The following TRMT1L variants were observed in gnomAD, a reference collection of about 807,000 sequenced individuals.
TRMT1L encodes the protein tRNA methyltransferase 1L.
Under a neutral mutation model 81.6 loss-of-function variants are expected in TRMT1L, and 28 were observed. The observed-to-expected ratio is 0.34, with a 90% confidence interval of 0.25 to 0.47. The LOEUF is 0.47. Ranked by LOEUF, TRMT1L falls within the 20% of genes least tolerant of loss-of-function variation. The pLI is 1.00. For missense variants in TRMT1L, 739 were observed against 877.1 expected (o/e 0.84, Z 1.99); for synonymous variants, 301 against 303.2 (o/e 0.99, Z 0.07).
At chr1:185,153,583 G>A (rs1305542622) in intron 1 of TRMT1L, among the ~76,000 whole-genome samples, 2 of 152,138 alleles carry the variant, frequency 1.3e-5, no homozygotes, top group South Asian at 2.1e-4. Flanking sequence ...ATTGGAAGGG[G>A]AAAGGAAATA....
chr1:185,152,274 A>G (rs952671745), intron 1 of TRMT1L, among the ~76,000 whole-genome samples: 1 of 152,254 alleles, frequency 6.6e-6, no homozygotes, highest in Non-Finnish European at 1.5e-5. Flanking sequence ...CAATATGTCA[A>G]CTTCTAACTA....
At position 185,156,625 on chromosome 1, in the gene TRMT1L, C is replaced by A. The variant is rs753782690; in HGVS notation, c.88G>T (p.Asp30Tyr). 1.8e-5 allele frequency: 29 copies of A among 1,603,890 alleles called. No individual in the cohort carries two copies. Among genetic ancestry groups the A allele is most frequent in the Non-Finnish European group, 2.5e-5 (29 of 1,175,324 alleles). Residue 30 changes from aspartate (D) to tyrosine (Y), a missense_variant, in exon 1 of 15, where the codon GAC becomes TAC. Asp to Tyr is a radical substitution (Grantham distance 160, BLOSUM62 -3). Around this residue, in one of 4 missense-constraint regions of TRMT1L, gnomAD observed 209 missense variants for 165.4 expected, o/e 1.26. Transcript: ENST00000367506. ...GCCGGAGCTGGGACCCCAGCCGAGTCCCGGGCCGGGGTCGGGACCTGGACC... is the reference window on the plus strand; with the variant it reads ...GCCGGAGCTGGGACCCCAGCCGAGTACCGGGCCGGGGTCGGGACCTGGACC... ...AQVQVPTPAR[D>Y]SAGVPAPAPD... is the part of the protein sequence containing the mutation.
At chr1:185,137,851 C>A (rs924821417) in intron 9 of TRMT1L, 55 bp from the exon 10 acceptor site, 48 of 1,561,060 alleles carry the variant, frequency 3.1e-5, no homozygotes, top group Non-Finnish European at 3.8e-5. Flanking sequence ...CCTTGTTTGG[C>A]ATTATACTGA....
At position 185,135,191 on chromosome 1, in the gene TRMT1L, G is replaced by A. The variant is rs566965961; in HGVS notation, c.1513+2415C>T. On this transcript the variant is annotated intron_variant, in intron 10 of 14. Coordinates refer to ENST00000367506, the MANE Select transcript of TRMT1L (RefSeq NM_030934.5). ...AGTGCTTTGGGAGGCCAAGGCGGGCGGATTGCCTGAGCTCAGGAGTTCGTG... is the reference window on the plus strand; with the variant it reads ...AGTGCTTTGGGAGGCCAAGGCGGGCAGATTGCCTGAGCTCAGGAGTTCGTG... 1.5e-4 allele frequency among the ~76,000 whole-genome samples: 23 copies of A among 152,184 alleles called. No homozygotes were observed. In the South Asian group the frequency reaches 2.7e-3, roughly 18 times the overall value.
intron 3 of TRMT1L, among the ~76,000 whole-genome samples, chr1:185,149,854 T>G (rs956511828): frequency 6.6e-6 from 1 of 151,710 alleles, no homozygotes; most frequent in Non-Finnish European, 1.5e-5. Context: ...TGTGTCATTT[T>G]TATCATGATT....
intron 4 of TRMT1L, among the ~76,000 whole-genome samples, chr1:185,145,937 G>A (rs904713799): frequency 4.6e-5 from 7 of 151,872 alleles, no homozygotes; most frequent in African/African-American, 1.4e-4. Context: ...GATTTCTGTG[G>A]CATAAATACT....
Position 185,156,882 on chromosome 1 carries a change from G to C in TRMT1L, c.-170C>G. 2 of 919,548 alleles carry C rather than the reference G, an allele frequency of 2.2e-6. No individual in the cohort carries two copies. The highest frequency in any genetic ancestry group is 3.1e-6 in the Non-Finnish European group (2 of 642,552). 57.0% of individuals were successfully genotyped at this position (919,548 alleles called of 1,614,324 possible). ...GATGAAGAACCAGTGACCAAATCCTGTTAGTAGAAAACAGAAAGCCAGAGG... is the reference window on the plus strand; with the variant it reads ...GATGAAGAACCAGTGACCAAATCCTCTTAGTAGAAAACAGAAAGCCAGAGG... On this transcript the variant is annotated 5_prime_UTR_variant, in exon 1 of 15. Transcript: ENST00000367506.
At chr1:185,157,074 G>A (rs1441694181), upstream of TRMT1L, 2 of 258,688 alleles carry the variant, frequency 7.7e-6, no homozygotes, top group South Asian at 4.6e-5. Flanking sequence ...AAAGACTACA[G>A]CACCCAGGAT....
At chr1:185,134,603 T>C (rs1192020076) in intron 10 of TRMT1L, among the ~76,000 whole-genome samples, 1 of 152,236 alleles carries the variant, frequency 6.6e-6, no homozygotes, top group Admixed American at 6.5e-5. Flanking sequence ...AATGCAAAAA[T>C]AAATCATTGC....
At chr1:185,155,301 GCTA>G (rs1185305402) in intron 1 of TRMT1L, among the ~76,000 whole-genome samples, 1 of 152,184 alleles carries the variant, frequency 6.6e-6, no homozygotes, top group Non-Finnish European at 1.5e-5. Flanking sequence ...GAGGTAGGAG[GCTA>G]CTTAGGAGGG....
intron 12 of TRMT1L, 94 bp from the exon 13 acceptor site, chr1:185,124,013 C>T (rs1285166775): frequency 5.8e-6 from 4 of 683,820 alleles, no homozygotes; most frequent in East Asian, 6.4e-5. Context: ...ATTCCATCCA[C>T]ACTATTTTCA....
chr1:185,145,575 AAC>A lies in TRMT1L; in HGVS notation c.526-9_526-8del. 6.2e-7 allele frequency: 1 copy of A among 1,609,310 alleles called. No individual in the cohort carries two copies. Among genetic ancestry groups the A allele is most frequent in the African/African-American group, 1.3e-5 (1 of 74,908 alleles). Reference sequence around the variant, plus strand: ...CTCCCATTTTACTGGTTATCTATCAAACAGAGTATTTAATTTAAATAAGTTGC... The same window carrying A: ...CTCCCATTTTACTGGTTATCTATCAAAGAGTATTTAATTTAAATAAGTTGC... On this transcript the variant is annotated splice_region_variant and splice_polypyrimidine_tract_variant and intron_variant, in intron 4 of 14. Coordinates refer to ENST00000367506, the MANE Select transcript of TRMT1L (RefSeq NM_030934.5).
At position 185,124,989 on chromosome 1, in the gene TRMT1L, G is replaced by C; in HGVS notation, c.1714C>G (p.Gln572Glu). 6.2e-7 allele frequency: 1 copy of C among 1,612,742 alleles called. No individual in the cohort carries two copies. Among genetic ancestry groups the C allele is most frequent in the Non-Finnish European group, 8.5e-7 (1 of 1,179,220 alleles). ...TLIFESECTP[Q>E]SQFSIHASSN... Reference sequence around the variant, plus strand: ...GATGCATGAATTGAAAACTGACTTTGAGGCGTACACTCTGATTCAAAGATT... The same window carrying C: ...GATGCATGAATTGAAAACTGACTTTCAGGCGTACACTCTGATTCAAAGATT... Residue 572 changes from glutamine (Q) to glutamate (E), a missense_variant, in exon 12 of 15, where the codon CAA (glutamine) becomes GAA (glutamate). Gln to Glu is a conservative substitution (Grantham distance 29). Around this residue, in one of 4 missense-constraint regions of TRMT1L, gnomAD observed 196 missense variants for 232.6 expected, o/e 0.84. Coordinates refer to ENST00000367506, the MANE Select transcript of TRMT1L (RefSeq NM_030934.5).
intron 10 of TRMT1L, among the ~76,000 whole-genome samples, chr1:185,129,052 G>A (rs1192473945): frequency 6.6e-6 from 1 of 152,000 alleles, no homozygotes; most frequent in Non-Finnish European, 1.5e-5. Flanking sequence ...GCTTGAGAGA[G>A]GTGGAAATTC....
At chr1:185,120,841 G>A (rs1255438733) in intron 13 of TRMT1L, 1 of 163,726 alleles carries the variant, frequency 6.1e-6, no homozygotes, top group Non-Finnish European at 1.3e-5. Flanking sequence ...GTTTGATTAA[G>A]TTGTCATTTT....
Position 185,139,423 on chromosome 1 carries a change from G to C in TRMT1L, c.1266C>G (p.Val422=). ...CTAGTTCCTTGTAATATTCAGTTCG[G>C]ACAATGTTACATCCGTAGTGACGCC... ...VARRHYGCNI[V]RTEYYKELAA... Residue 422 remains valine (V), a synonymous_variant, in exon 9 of 15, where the codon GTC becomes GTG. Coordinates refer to ENST00000367506, the MANE Select transcript of TRMT1L (RefSeq NM_030934.5). 6.2e-7 allele frequency: 1 copy of C among 1,614,024 alleles called. No individual in the cohort carries two copies. Among genetic ancestry groups the C allele is most frequent in the East Asian group, 2.2e-5 (1 of 44,864 alleles).
intron 13 of TRMT1L, among the ~76,000 whole-genome samples, chr1:185,121,663 G>C (rs1263970927): frequency 1.3e-5 from 2 of 151,934 alleles, no homozygotes; most frequent in Admixed American, 1.3e-4. Flanking sequence ...TAGATATCCA[G>C]ATTTAGTACA....
chr1:185,134,889 A>G (rs1439973250), intron 10 of TRMT1L, among the ~76,000 whole-genome samples: 1 of 152,248 alleles, frequency 6.6e-6, no homozygotes, highest in East Asian at 1.9e-4. Context: ...GACTGATGAC[A>G]TATACAGAAT....
intron 2 of TRMT1L, 82 bp from the exon 3 acceptor site, chr1:185,150,574 G>A: frequency 2.2e-6 from 2 of 922,388 alleles, no homozygotes; most frequent in Non-Finnish European, 3.4e-6. Flanking sequence ...GGTTAATGGG[G>A]GCTCCCCCTC....
Sources: gnomAD v4.1 joint callset for allele counts (sites outside exome capture counted in the v4.1 genomes callset) on GRCh38, gnomAD v4.1.1 for gene constraint, gnomAD v4.1.1 regional missense constraint, MANE v1.5 for transcripts, NCBI Gene and HGNC (gene_info 2026-07-23, HGNC 2026-07-21) for gene names.